The following SPTLC3 variants were observed in gnomAD, a reference collection of about 807,000 sequenced individuals.
The protein encoded by SPTLC3 is serine palmitoyltransferase 3.
In SPTLC3, 36 loss-of-function variants were observed where a neutral mutation model predicts 59.3. The observed-to-expected ratio is 0.61, with a 90% CI of 0.47 to 0.80. The LOEUF (loss-of-function observed/expected upper bound fraction) is 0.80, where lower values mean the gene tolerates loss of function less well. Ranked by LOEUF, SPTLC3 falls within the 30% of genes least tolerant of loss-of-function variation. The pLI is 0.00. For missense variants in SPTLC3, 625 were observed against 685.1 expected, an observed-to-expected ratio of 0.91 and a Z score of 0.98; for synonymous variants, 257 against 240.8, an observed-to-expected ratio of 1.07 and a Z score of -0.62.
chr20:13,059,830 T>C (rs1431423786), intron 2 of SPTLC3, among the ~76,000 whole-genome samples: 1 of 152,210 alleles, frequency 6.6e-6, no homozygotes, highest in African/African-American at 2.4e-5. Context: ...TTTTCCTTTC[T>C]TCTAACCATC....
intron 4 of SPTLC3, among the ~76,000 whole-genome samples, chr20:13,085,353 A>G (rs543817284): frequency 1.3e-5 from 2 of 152,110 alleles, no homozygotes; most frequent in Non-Finnish European, 2.9e-5. Context: ...TGAAGCATGA[A>G]CTCCAAGATG....
intron 6 of SPTLC3, among the ~76,000 whole-genome samples, chr20:13,108,165 A>G (rs1446698394): frequency 1.3e-5 from 2 of 152,194 alleles, no homozygotes; most frequent in Non-Finnish European, 2.9e-5. Flanking sequence ...CTGATATTGC[A>G]CTATCAAATT....
At chr20:13,051,841 TG>T (rs1286294807) in intron 2 of SPTLC3, among the ~76,000 whole-genome samples, 5 of 152,264 alleles carry the variant, frequency 3.3e-5, no homozygotes, top group Middle Eastern at 3.4e-3. Flanking sequence ...GAATGAGCAC[TG>T]GGTCAAAAAT....
At chr20:13,072,171 T>C (rs2122568655) in intron 2 of SPTLC3, 85 bp from the exon 3 acceptor site, 5 of 1,434,404 alleles carry the variant, frequency 3.5e-6, no homozygotes, top group Non-Finnish European at 4.7e-6. Flanking sequence ...TCCACAGCTC[T>C]TCCAGGTCTT....
Position 13,048,945 on chromosome 20 carries a change from C to A in SPTLC3, c.118C>A (p.Gln40Lys), listed in dbSNP as rs906811462. 1.6e-5 allele frequency: 24 copies of A among 1,546,184 alleles called. No homozygotes were observed. The highest frequency in any genetic ancestry group is 2.0e-5 in the Non-Finnish European group (23 of 1,151,962). ...TKNGIVKEAQ[Q>K]NGKPHFYDKL... ...CTTGGATTTTCTTTTGTGTTTTCAG[C>A]AAAATGGGAAGCCACATTTTTATGA... is the stretch of plus-strand genomic sequence containing the variant. The change falls in exon 2 of 12, where the codon CAA becomes AAA. Residue 40 changes from glutamine (Q) to lysine (K), a missense_variant and splice_region_variant. Gln to Lys is a moderately conservative substitution (Grantham distance 53). Coordinates refer to ENST00000399002, the MANE Select transcript of SPTLC3 (RefSeq NM_018327.4).
intron 4 of SPTLC3, among the ~76,000 whole-genome samples, chr20:13,082,357 C>T (rs979614201): frequency 4.6e-5 from 7 of 152,180 alleles, no homozygotes; most frequent in Non-Finnish European, 1.0e-4. Flanking sequence ...TTGTACTGCC[C>T]TATACTGCTC....
chr20:13,110,182 G>T lies in SPTLC3; in HGVS notation c.897G>T (p.Trp299Cys). The T allele has an allele frequency of 6.2e-7, 1 of 1,613,586 alleles. No individual in the cohort carries two copies. Among genetic ancestry groups the T allele is most frequent in the South Asian group, 1.1e-5 (1 of 91,052 alleles). ...IYGQPRTRRA[W>C]KKILILVEGV... ...GCCAGCCTCGAACCCGCAGAGCTTG[G>T]AAAAAGATTCTCATCCTGGTGGAGG... The change falls in exon 7 of 12, where the codon TGG (tryptophan) becomes TGT (cysteine). Residue 299 changes from tryptophan to cysteine, a missense_variant. Coordinates refer to ENST00000399002, the MANE Select transcript of SPTLC3 (RefSeq NM_018327.4).
At chr20:13,056,152 G>T (rs6041821) in intron 2 of SPTLC3, among the ~76,000 whole-genome samples, 38,288 of 152,000 alleles carry the variant, frequency 0.25, 5,589 homozygotes, top group African/African-American at 0.41. Context: ...GTTGCTACAA[G>T]AACTGCTCGA....
chr20:13,037,055 A>T (rs1986768069), intron 1 of SPTLC3, among the ~76,000 whole-genome samples: 1 of 152,194 alleles, frequency 6.6e-6, no homozygotes, highest in South Asian at 2.1e-4. Context: ...GCATTAAAAA[A>T]TGCCTTCCCC....
chr20:13,110,125 A>C lies in SPTLC3; in HGVS notation c.840A>C (p.Leu280=), dbSNP rs766132581. 17 of 1,612,120 alleles carry C rather than the reference A, an allele frequency of 1.1e-5. No homozygotes were observed. The highest frequency in any genetic ancestry group is 2.2e-5 in the South Asian group (2 of 90,688). Residue 280 remains leucine (L), a synonymous_variant, in exon 7 of 12, where the codon CTA becomes CTC. Transcript: ENST00000399002. ...RIFKHNNTQS[L]EKLLRDAVIY... ...TATTATTTAAAGACACACAAAGCCT[A>C]GAGAAGCTCCTGAGAGATGCTGTCA... is the stretch of plus-strand genomic sequence containing the variant.
At chr20:13,082,349 G>T (rs1988867662) in intron 4 of SPTLC3, among the ~76,000 whole-genome samples, 1 of 152,166 alleles carries the variant, frequency 6.6e-6, no homozygotes, top group South Asian at 2.1e-4. Flanking sequence ...AGAGCCATTT[G>T]TACTGCCCTA....
chr20:13,036,534 C>A (rs140324865), intron 1 of SPTLC3, among the ~76,000 whole-genome samples: 1 of 152,080 alleles, frequency 6.6e-6, no homozygotes, highest in Non-Finnish European at 1.5e-5. Flanking sequence ...AAATAACATA[C>A]AAAATATGTG....
chr20:13,010,547 C>A (rs1272681800), intron 1 of SPTLC3, among the ~76,000 whole-genome samples: 1 of 152,148 alleles, frequency 6.6e-6, no homozygotes, highest in Non-Finnish European at 1.5e-5. Context: ...TGGGAGGTGT[C>A]TATCAGAAAC....
intron 1 of SPTLC3, among the ~76,000 whole-genome samples, chr20:13,012,688 G>A (rs369888147): frequency 2.4e-4 from 37 of 152,286 alleles, no homozygotes; most frequent in African/African-American, 8.4e-4. Flanking sequence ...GCCCCATGAA[G>A]TGGTAGTATA....
chr20:13,037,869 G>C (rs577885842), intron 1 of SPTLC3, among the ~76,000 whole-genome samples: 122 of 152,066 alleles, frequency 8.0e-4, no homozygotes, highest in African/African-American at 2.5e-3. Flanking sequence ...TTCTGGATCT[G>C]GTGGTTTGCA....
intron 9 of SPTLC3, among the ~76,000 whole-genome samples, chr20:13,134,989 C>T (rs1040560596): frequency 1.3e-5 from 2 of 152,132 alleles, no homozygotes; most frequent in Non-Finnish European, 2.9e-5. Flanking sequence ...AATGCATGTG[C>T]CTCACAACAG....
At chr20:13,109,918 T>A (rs1215716210) in intron 6 of SPTLC3, among the ~76,000 whole-genome samples, 194 bp from the exon 7 acceptor site, 5 of 152,186 alleles carry the variant, frequency 3.3e-5, no homozygotes. Context: ...CAAATCCAAC[T>A]ATTTGTCTTG....
At chr20:13,158,024 C>T (rs140903484) in intron 10 of SPTLC3, among the ~76,000 whole-genome samples, 1 of 152,300 alleles carries the variant, frequency 6.6e-6, no homozygotes, top group East Asian at 1.9e-4. Flanking sequence ...TTCTATAGAG[C>T]TGTGCAATGT....
intron 2 of SPTLC3, among the ~76,000 whole-genome samples, chr20:13,062,059 C>T (rs1292236032): frequency 6.6e-6 from 1 of 152,190 alleles, no homozygotes; most frequent in African/African-American, 2.4e-5. Context: ...ACACTACCCA[C>T]ACGTGCCTGC....
Sources: gnomAD v4.1 joint callset for allele counts (sites outside exome capture counted in the v4.1 genomes callset) on GRCh38, gnomAD v4.1.1 for gene constraint, MANE v1.5 for transcripts, NCBI Gene and HGNC (gene_info 2026-07-23, HGNC 2026-07-21) for gene names.